MAST4: variants seen among roughly 807,000 people sequenced by gnomAD.
The protein encoded by MAST4 is microtubule-associated serine/threonine-protein kinase 4.
Under a neutral mutation model 162.7 loss-of-function variants are expected in MAST4, and 89 were observed. The ratio of observed to expected loss-of-function variants is 0.55; its 90% CI spans 0.46 to 0.65. The LOEUF is 0.65. Among genes scored for constraint, MAST4 ranks in the 30% least tolerant of loss-of-function variants. MAST4 has a pLI of 0.00. For missense variants in MAST4, 3,153 were observed against 3,374.0 expected (o/e 0.93, Z 1.62); for synonymous variants, 1,479 against 1,361.1 (o/e 1.09, Z -1.91).
chr5:66,651,043 C>T (rs1046477046), intron 1 of MAST4, among the ~76,000 whole-genome samples: 2 of 152,176 alleles, frequency 1.3e-5, no homozygotes, highest in African/African-American at 4.8e-5. Flanking sequence ...ACTGCTGTTA[C>T]ATACTTGCCG....
intron 1 of MAST4, among the ~76,000 whole-genome samples, chr5:66,753,434 A>T (rs1203725674): frequency 6.6e-6 from 1 of 151,672 alleles, no homozygotes; most frequent in Non-Finnish European, 1.5e-5. Flanking sequence ...AGAGAGAAGA[A>T]TCAAATAGAC....
At chr5:67,121,145 T>C (rs1330446109) in intron 14 of MAST4, 43 bp downstream of exon 14, 3 of 1,396,976 alleles carry the variant, frequency 2.1e-6, no homozygotes, top group Non-Finnish European at 3.0e-6. Context: ...TTCTACACAC[T>C]CAAGTGATAT....
At chr5:67,049,008 C>CACATATATATACGTATAT (rs1362965159) in intron 4 of MAST4, among the ~76,000 whole-genome samples, 1 of 104,524 alleles carries the variant, frequency 9.6e-6, no homozygotes, top group African/African-American at 4.1e-5. Context: ...TATACACACA[C>CACATATATATACGTATAT]ATATATATAT....
intron 1 of MAST4, among the ~76,000 whole-genome samples, chr5:66,685,329 A>G (rs988156871): frequency 1.3e-5 from 2 of 151,768 alleles, no homozygotes; most frequent in African/African-American, 4.8e-5. Context: ...AAACCCCCAA[A>G]AACCCCCAAA....
At chr5:67,066,963 C>T (rs1461148269) in intron 5 of MAST4, among the ~76,000 whole-genome samples, 2 of 152,280 alleles carry the variant, frequency 1.3e-5, no homozygotes, top group East Asian at 3.9e-4. Flanking sequence ...TATGTTCTCC[C>T]TAGCTGAAAC....
At chr5:67,122,587 T>C (rs890996019) in intron 14 of MAST4, among the ~76,000 whole-genome samples, 1 of 152,246 alleles carries the variant, frequency 6.6e-6, no homozygotes, top group African/African-American at 2.4e-5. Flanking sequence ...GGAAATGACC[T>C]GAAGATTTCT....
chr5:66,931,392 C>A (rs1360430567), intron 4 of MAST4, among the ~76,000 whole-genome samples: 1 of 151,918 alleles, frequency 6.6e-6, no homozygotes, highest in Admixed American at 6.6e-5. Flanking sequence ...TATCAGGAAC[C>A]TAATTCTTTG....
chr5:66,623,915 A>C (rs1351232608), intron 1 of MAST4, among the ~76,000 whole-genome samples: 1 of 152,208 alleles, frequency 6.6e-6, no homozygotes, highest in Non-Finnish European at 1.5e-5. Flanking sequence ...TCAGTAAAGT[A>C]AGATACAAAA....
At position 67,167,008 on chromosome 5, in the gene MAST4, G is replaced by C. The variant is rs752989681; in HGVS notation, c.7829G>C (p.Gly2610Ala). Residue 2610 changes from glycine (G) to alanine (A), a missense_variant, in exon 29 of 29, where the codon GGG becomes GCG. Physicochemically the swap from Gly to Ala is moderately conservative, Grantham distance 60. This residue lies in a region of MAST4 where 1,644 missense variants were observed against 1,495.0 expected (regional missense o/e 1.10). Coordinates refer to ENST00000403625, the MANE Select transcript of MAST4 (RefSeq NM_001164664.2). ...GACTTTGTGGTACGGCAGAGGCGGG[G>C]GAAAGAGAGTTTGCGTAGCAGCCCT... Reference protein sequence around the residue: ...EKDFVVRQRRGKESLRSSPHK... With the variant: ...EKDFVVRQRRAKESLRSSPHK... The C allele has an allele frequency of 5.0e-6, 8 of 1,606,652 alleles. No homozygotes were observed. In the Admixed American group the frequency reaches 1.4e-4, roughly 27 times the overall value.
Position 66,649,770 on chromosome 5 carries a change from GCACTCC to G in MAST4, c.363+52754_363+52759del, listed in dbSNP as rs71693256. ...TCCTCTGTAAGGACCTTGACTATAA[GCACTCC>G]CTGTTTCACTCTGAATCCACAGTGT... On this transcript the variant is annotated intron_variant, in intron 1 of 28. Transcript: ENST00000403625. Among the ~76,000 whole-genome samples, 1,449 of 152,136 alleles carry G rather than the reference GCACTCC, an allele frequency of 9.5e-3. 23 individuals carry two copies. Among genetic ancestry groups the G allele is most frequent in the African/African-American group, 0.033 (1,377 of 41,492 alleles).
intron 1 of MAST4, among the ~76,000 whole-genome samples, chr5:66,718,419 C>T (rs76693623): frequency 0.021 from 3,239 of 151,962 alleles, 61 homozygotes; most frequent in Non-Finnish European, 0.035. Context: ...CCTGAGGACC[C>T]CATGAGTGCC....
In MAST4 at chr5:66,722,466, T is replaced by A. The variant is rs374303613; in HGVS notation, c.364-37243T>A. ...ACCTGGTTCTGGGTTTTTTTTTTTTTACATAGTATTTTAAATTATCTATCA... is the reference window on the plus strand; with the variant it reads ...ACCTGGTTCTGGGTTTTTTTTTTTTAACATAGTATTTTAAATTATCTATCA... On this transcript the variant is annotated intron_variant, in intron 1 of 28. Transcript: ENST00000403625. Among the ~76,000 whole-genome samples the A allele has an allele frequency of 2.0e-5, 3 of 151,456 alleles. 1 individual carries two copies. The highest frequency in any genetic ancestry group is 4.8e-5 in the African/African-American group (2 of 41,430).
At chr5:67,086,355 A>T (rs1212074084) in intron 5 of MAST4, among the ~76,000 whole-genome samples, 2 of 152,252 alleles carry the variant, frequency 1.3e-5, no homozygotes, top group Admixed American at 6.5e-5. Context: ...GACTTCTCCA[A>T]TCTAATTACA....
At chr5:66,786,782 A>G (rs898757814) in intron 2 of MAST4, among the ~76,000 whole-genome samples, 1 of 152,220 alleles carries the variant, frequency 6.6e-6, no homozygotes, top group Non-Finnish European at 1.5e-5. Context: ...ACCTTGCCCA[A>G]AAATATGTCT....
At position 67,121,013 on chromosome 5, in the gene MAST4, C is replaced by T. The variant is rs1305588190; in HGVS notation, c.1660-4C>T. On this transcript the variant is annotated splice_region_variant and splice_polypyrimidine_tract_variant and intron_variant, in intron 13 of 28. Coordinates refer to ENST00000403625, the MANE Select transcript of MAST4 (RefSeq NM_001164664.2). Reference sequence around the variant, plus strand: ...CTTTTTAACTTCCATATTTTGTTTCCAAGAGCTCTAATGCCTCCCTGAAAC... The same window carrying T: ...CTTTTTAACTTCCATATTTTGTTTCTAAGAGCTCTAATGCCTCCCTGAAAC... The T allele has an allele frequency of 3.7e-6, 6 of 1,602,584 alleles. No homozygotes were observed. The highest frequency in any genetic ancestry group is 1.1e-5 in the South Asian group (1 of 88,566).
intron 1 of MAST4, among the ~76,000 whole-genome samples, chr5:66,608,480 C>T (rs1447114622): frequency 6.9e-6 from 1 of 144,154 alleles, no homozygotes; most frequent in Non-Finnish European, 1.5e-5. Context: ...ATAATGCTTA[C>T]ATAGGAAAAT....
intron 18 of MAST4, among the ~76,000 whole-genome samples, chr5:67,135,776 A>C (rs1198580022): frequency 6.6e-6 from 1 of 152,258 alleles, no homozygotes; most frequent in African/African-American, 2.4e-5. Context: ...CTTACGGCTC[A>C]GATGCATATT....
chr5:66,597,020 TG>T lies in MAST4; in HGVS notation c.363+5del. The T allele has an allele frequency of 7.0e-7, 1 of 1,435,708 alleles. No homozygotes were observed. The highest frequency in any genetic ancestry group is 9.1e-7 in the Non-Finnish European group (1 of 1,100,488). The allele number at this position is 1,435,708 out of a possible 1,614,324, so 88.9% of individuals were successfully genotyped here. On this transcript the variant is annotated splice_donor_region_variant and intron_variant, in intron 1 of 28. Coordinates refer to ENST00000403625, the MANE Select transcript of MAST4 (RefSeq NM_001164664.2). ...TCCCAGGAGGAGCAGGACGAGGAGG[TG>T]GGCCTTTCCCCAGCTTGCCCACTCT...
chr5:66,835,556 A>G (rs1425064362), intron 3 of MAST4, among the ~76,000 whole-genome samples: 1 of 152,200 alleles, frequency 6.6e-6, no homozygotes, highest in African/African-American at 2.4e-5. Context: ...AAGAATGACA[A>G]AAGACAAAGG....
Sources: gnomAD v4.1 joint callset for allele counts (sites outside exome capture counted in the v4.1 genomes callset) on GRCh38, gnomAD v4.1.1 for gene constraint, gnomAD v4.1.1 regional missense constraint, MANE v1.5 for transcripts, NCBI Gene and HGNC (gene_info 2026-07-23, HGNC 2026-07-21) for gene names.